NRG1: variants seen among roughly 807,000 people sequenced by gnomAD.
NRG1 encodes the protein neuregulin 1.
NRG1 carries 18 observed loss-of-function variants against 63.8 expected under a neutral mutation model. The observed-to-expected ratio is 0.28, with a 90% CI of 0.19 to 0.42. NRG1 has a LOEUF of 0.42. Ranked by LOEUF, NRG1 falls within the 10% of genes least tolerant of loss-of-function variation. The pLI is 1.00. For synonymous variants in NRG1, 302 were observed against 301.3 expected (o/e 1.00, Z -0.02); for missense variants, 762 against 814.7 (o/e 0.94, Z 0.79).
intron 1 of NRG1, among the ~76,000 whole-genome samples, chr8:32,288,146 A>T (rs1170719621): frequency 6.6e-6 from 1 of 152,206 alleles, no homozygotes; most frequent in Non-Finnish European, 1.5e-5. Context: ...AAAGCAAGAC[A>T]GATAGGAGAG....
At chr8:32,650,746 G>A (rs969690107) in intron 5 of NRG1, among the ~76,000 whole-genome samples, 19 of 149,246 alleles carry the variant, frequency 1.3e-4, no homozygotes, top group African/African-American at 3.7e-4. Context: ...GAACTGGGAC[G>A]TTCCTTTTCC....
chr8:32,589,414 C>T (rs1447290035), intron 1 of NRG1, among the ~76,000 whole-genome samples: 1 of 152,226 alleles, frequency 6.6e-6, no homozygotes. Context: ...ACATAATTGT[C>T]AGTCACCGGT....
At chr8:32,510,535 G>T (rs555473430) in intron 1 of NRG1, among the ~76,000 whole-genome samples, 4 of 152,030 alleles carry the variant, frequency 2.6e-5, no homozygotes, top group African/African-American at 4.8e-5. Flanking sequence ...CCCAGAAGTC[G>T]CAGGACTCTA....
chr8:31,788,718 A>G (rs991199328), intron 1 of NRG1, among the ~76,000 whole-genome samples: 5 of 152,302 alleles, frequency 3.3e-5, no homozygotes, highest in African/African-American at 1.2e-4. Context: ...AGTGCTGGTA[A>G]CACTACATTA....
At chr8:32,281,897 A>T (rs1011287775) in intron 1 of NRG1, among the ~76,000 whole-genome samples, 1 of 152,216 alleles carries the variant, frequency 6.6e-6, no homozygotes. Context: ...AGAGGAGTAC[A>T]TATAAACACA....
chr8:32,364,075 C>CTTTTTTTTTT (rs932903875), intron 1 of NRG1, among the ~76,000 whole-genome samples: 6 of 65,514 alleles, frequency 9.2e-5, no homozygotes, highest in East Asian at 4.9e-4. Context: ...TCTGACTAGT[C>CTTTTTTTTTT]TTTTTTTTTT....
In NRG1 at chr8:32,249,809, C is replaced by G. The variant is rs531997275; in HGVS notation, c.38-346019C>G. On this transcript the variant is annotated intron_variant, in intron 1 of 10. Transcript: ENST00000519301. ...TATCATGGCACCAAACTATCAAATA[C>G]AGGATGCACTAGGTCATTAAAGAGA... Among the ~76,000 whole-genome samples the G allele has an allele frequency of 1.2e-4, 18 of 152,206 alleles. No individual in the cohort carries two copies. The South Asian group carries it at 1.7e-3, about 14-fold the overall frequency.
chr8:32,166,675 T>C, intron 1 of NRG1, among the ~76,000 whole-genome samples: 1 of 152,310 alleles, frequency 6.6e-6, no homozygotes. Flanking sequence ...CTATGTCCAA[T>C]TGAGCTGCTG....
chr8:32,521,660 A>T (rs1588097313), intron 1 of NRG1, among the ~76,000 whole-genome samples: 1 of 152,348 alleles, frequency 6.6e-6, no homozygotes, highest in African/African-American at 2.4e-5. Context: ...GCAAAGTCAG[A>T]TATTGAAAGG....
chr8:32,046,578 CTG>C (rs1821035640), intron 1 of NRG1, among the ~76,000 whole-genome samples: 1 of 152,020 alleles, frequency 6.6e-6, no homozygotes, highest in South Asian at 2.1e-4. Flanking sequence ...GAAAAACAAA[CTG>C]TGGTATCTGA....
In NRG1 at chr8:31,652,943, C is replaced by T. The variant is rs1185420410; in HGVS notation, c.37+13512C>T. Among the ~76,000 whole-genome samples, 3 of 100,396 alleles carry T rather than the reference C, an allele frequency of 3.0e-5. No individual in the cohort carries two copies. In the Admixed American group the frequency reaches 3.0e-4, roughly 10 times the overall value. The allele number at this position is 100,396 out of a possible 152,430, so 65.9% of individuals were successfully genotyped here. Reference sequence around the variant, plus strand: ...TCCTCCCTCCCTCCCTCCTTCCCTTCCTTCCTCTCTTCTCTCCTCTCCTCT... The same window carrying T: ...TCCTCCCTCCCTCCCTCCTTCCCTTTCTTCCTCTCTTCTCTCCTCTCCTCT... On this transcript the variant is annotated intron_variant, in intron 1 of 10. Coordinates refer to the NRG1 transcript ENST00000519301.
chr8:32,477,420 G>T (rs1194250477), intron 1 of NRG1, among the ~76,000 whole-genome samples: 1 of 152,080 alleles, frequency 6.6e-6, no homozygotes. Context: ...CCTCCAAAAC[G>T]TTTTTCTCCT....
At chr8:32,266,012 C>A (rs1486536247) in intron 1 of NRG1, among the ~76,000 whole-genome samples, 2 of 152,106 alleles carry the variant, frequency 1.3e-5, no homozygotes, top group Non-Finnish European at 2.9e-5. Context: ...TGAGCATTTG[C>A]AGATTTTGGT....
At chr8:32,127,736 G>C (rs1018470380) in intron 1 of NRG1, among the ~76,000 whole-genome samples, 3 of 151,748 alleles carry the variant, frequency 2.0e-5, no homozygotes, top group African/African-American at 7.3e-5. Context: ...TTGCTGCTTA[G>C]TGGCCACATC....
At chr8:31,702,679 AT>A (rs1031593074) in intron 1 of NRG1, among the ~76,000 whole-genome samples, 64 of 152,274 alleles carry the variant, frequency 4.2e-4, no homozygotes, top group African/African-American at 1.4e-3. Flanking sequence ...AATAATTGGA[AT>A]TGGATTTTCT....
intron 1 of NRG1, among the ~76,000 whole-genome samples, chr8:31,780,137 A>G (rs772614428): frequency 2.0e-5 from 3 of 152,214 alleles, no homozygotes; most frequent in Non-Finnish European, 4.4e-5. Flanking sequence ...GGAACTAGAG[A>G]TGGAATTTTT....
chr8:32,711,217 G>C (rs2128982801), intron 5 of NRG1, among the ~76,000 whole-genome samples: 1 of 150,270 alleles, frequency 6.7e-6, no homozygotes, highest in South Asian at 2.1e-4. Context: ...ACTTTTTTCA[G>C]CCTCAGTTTT....
chr8:32,394,453 A>G (rs550984323), intron 1 of NRG1, among the ~76,000 whole-genome samples: 3 of 152,308 alleles, frequency 2.0e-5, no homozygotes, highest in Non-Finnish European at 4.4e-5. Flanking sequence ...AGGCACAACC[A>G]AACAGGACTG....
intron 1 of NRG1, among the ~76,000 whole-genome samples, chr8:31,699,914 G>A (rs1466660958): frequency 1.3e-5 from 2 of 152,126 alleles, no homozygotes; most frequent in Non-Finnish European, 2.9e-5. Context: ...AAAAAGAAAG[G>A]ACAGACATCC....
Sources: gnomAD v4.1 joint callset for allele counts (sites outside exome capture counted in the v4.1 genomes callset) on GRCh38, gnomAD v4.1.1 for gene constraint, MANE v1.5 for transcripts, NCBI Gene and HGNC (gene_info 2026-07-23, HGNC 2026-07-21) for gene names.